CTNNA3: variants seen among roughly 807,000 people sequenced by gnomAD.
CTNNA3 encodes catenin alpha-3.
CTNNA3 carries 76 observed loss-of-function variants against 95.7 expected under a neutral mutation model. The observed-to-expected ratio is 0.79, with a 90% CI of 0.66 to 0.96. The LOEUF (loss-of-function observed/expected upper bound fraction) is 0.96. Ranked by LOEUF, CTNNA3 falls within the 40% of genes least tolerant of loss-of-function variation. CTNNA3 has a pLI of 0.00. For missense variants in CTNNA3, 1,191 were observed against 1,089.8 expected (o/e 1.09, Z -1.31); for synonymous variants, 431 against 374.4 (o/e 1.15, Z -1.74).
At chr10:66,232,879 C>A (rs940950549) in intron 13 of CTNNA3, among the ~76,000 whole-genome samples, 1 of 151,980 alleles carries the variant, frequency 6.6e-6, no homozygotes, top group Non-Finnish European at 1.5e-5. Context: ...AATTTCAGGC[C>A]AGGCGCGGTG....
intron 12 of CTNNA3, among the ~76,000 whole-genome samples, chr10:66,303,123 C>T (rs538362395): frequency 6.6e-6 from 1 of 152,134 alleles, no homozygotes; most frequent in East Asian, 1.9e-4. Flanking sequence ...ATGTTACAAG[C>T]CTTATTTTAA....
At chr10:67,313,494 T>C (rs1330060722) in intron 5 of CTNNA3, among the ~76,000 whole-genome samples, 1 of 151,962 alleles carries the variant, frequency 6.6e-6, no homozygotes, top group Non-Finnish European at 1.5e-5. Context: ...GTTGGGCAAA[T>C]CACTGAAGTA....
intron 7 of CTNNA3, among the ~76,000 whole-genome samples, chr10:66,920,573 T>A (rs962049398): frequency 6.6e-6 from 1 of 152,186 alleles, no homozygotes; most frequent in Non-Finnish European, 1.5e-5. Context: ...TTCATAACTT[T>A]CTGTTCAAAA....
At chr10:66,488,070 C>CTG (rs1458184425) in intron 11 of CTNNA3, among the ~76,000 whole-genome samples, 1 of 152,104 alleles carries the variant, frequency 6.6e-6, no homozygotes, top group Non-Finnish European at 1.5e-5. Flanking sequence ...TAAAAAGTTT[C>CTG]CCTTCGAATT....
intron 15 of CTNNA3, among the ~76,000 whole-genome samples, chr10:66,010,519 T>G (rs1437559330): frequency 6.6e-6 from 1 of 152,136 alleles, no homozygotes; most frequent in Admixed American, 6.5e-5. Flanking sequence ...GCAGCTTATT[T>G]TCAAACATAG....
intron 10 of CTNNA3, among the ~76,000 whole-genome samples, chr10:66,537,822 A>G (rs1397329999): frequency 6.6e-6 from 1 of 151,844 alleles, no homozygotes; most frequent in Admixed American, 6.6e-5. Flanking sequence ...CTTCTCTGTG[A>G]AGTTACTAAA....
At chr10:67,763,474 G>A (rs1841473287) in exon 1 of CTNNA3, among the ~76,000 whole-genome samples, 1 of 152,210 alleles carries the variant, frequency 6.6e-6, no homozygotes, top group African/African-American at 2.4e-5. Context: ...TCCAAAGGTC[G>A]AGTTGCCTTC....
intron 12 of CTNNA3, among the ~76,000 whole-genome samples, chr10:66,348,859 A>T (rs1485304683): frequency 6.6e-6 from 1 of 151,990 alleles, no homozygotes; most frequent in Non-Finnish European, 1.5e-5. Flanking sequence ...AAATAACAAA[A>T]TTTCCTGGTG....
intron 9 of CTNNA3, among the ~76,000 whole-genome samples, chr10:66,682,466 C>T (rs1214163594): frequency 6.6e-6 from 1 of 151,868 alleles, no homozygotes; most frequent in Non-Finnish European, 1.5e-5. Context: ...GATGGAAGGA[C>T]CACTGAGAAA....
intron 7 of CTNNA3, among the ~76,000 whole-genome samples, chr10:66,845,754 T>TACACACACACAC (rs140313786): frequency 0.16 from 17,438 of 106,424 alleles, 1,860 homozygotes; most frequent in Non-Finnish European, 0.24. Context: ...TATATATACA[T>TACACACACACAC]ACACACACAC....
chr10:67,475,978 T>C (rs1350885668), intron 5 of CTNNA3, among the ~76,000 whole-genome samples: 1 of 152,166 alleles, frequency 6.6e-6, no homozygotes, highest in Non-Finnish European at 1.5e-5. Context: ...ATATAGAAGA[T>C]AGCTGCAGTG....
chr10:65,950,916 T>C lies in CTNNA3; in HGVS notation c.2400+15696A>G, dbSNP rs527493217. On this transcript the variant is annotated intron_variant, in intron 17 of 17. Transcript: ENST00000433211. ...GTGTGTGTGTGCTTCATCCAGATTTTTTTTTCTATCTCTGTAATTGCACAA... is the reference window on the plus strand; with the variant it reads ...GTGTGTGTGTGCTTCATCCAGATTTCTTTTTCTATCTCTGTAATTGCACAA... Among the ~76,000 whole-genome samples, 35 of 152,276 alleles carry C rather than the reference T, an allele frequency of 2.3e-4. 1 individual carries two copies. In the South Asian group the frequency reaches 3.3e-3, roughly 14 times the overall value.
chr10:66,864,377 C>T (rs192762505), intron 7 of CTNNA3, among the ~76,000 whole-genome samples: 2 of 152,194 alleles, frequency 1.3e-5, no homozygotes, highest in Admixed American at 6.6e-5. Flanking sequence ...TACTCTCCTC[C>T]CCTTCCACCT....
intron 1 of CTNNA3, among the ~76,000 whole-genome samples, chr10:67,711,206 C>G (rs1432486153): frequency 6.6e-6 from 1 of 151,970 alleles, no homozygotes; most frequent in Non-Finnish European, 1.5e-5. Flanking sequence ...TGAAAGTGGA[C>G]TAATAAAGTA....
intron 12 of CTNNA3, among the ~76,000 whole-genome samples, chr10:66,333,990 T>C (rs2092363978): frequency 6.6e-6 from 1 of 152,136 alleles, no homozygotes; most frequent in Non-Finnish European, 1.5e-5. Flanking sequence ...GTAATGGCCG[T>C]CTTTATCTCT....
chr10:66,794,587 T>C (rs2132214679), intron 7 of CTNNA3, among the ~76,000 whole-genome samples: 1 of 152,284 alleles, frequency 6.6e-6, no homozygotes, highest in Non-Finnish European at 1.5e-5. Context: ...GCCTCAATGT[T>C]GATGGCTGCT....
chr10:66,527,559 G>T (rs1841312056), intron 10 of CTNNA3, among the ~76,000 whole-genome samples: 1 of 151,964 alleles, frequency 6.6e-6, no homozygotes, highest in Non-Finnish European at 1.5e-5. Flanking sequence ...TGTCTTTTCT[G>T]TTTTTTATGT....
At position 66,514,959 on chromosome 10, in the gene CTNNA3, A is replaced by G. The variant is rs1011759670; in HGVS notation, c.1531+5658T>C. ...TTGAAAAACTTTCAGTTTTAAATAT[A>G]TAACTGCAATGGATAAACAGAAGAC... On this transcript the variant is annotated intron_variant, in intron 11 of 17. Transcript: ENST00000433211. Among the ~76,000 whole-genome samples the G allele has an allele frequency of 3.9e-5, 6 of 152,098 alleles. No homozygotes were observed. The East Asian group carries it at 9.6e-4, about 24-fold the overall frequency.
intron 13 of CTNNA3, among the ~76,000 whole-genome samples, chr10:66,105,629 G>A (rs757834338): frequency 2.0e-5 from 3 of 152,190 alleles, no homozygotes; most frequent in Non-Finnish European, 4.4e-5. Flanking sequence ...GATGCTGTAC[G>A]AAGAGATAAG....
Sources: gnomAD v4.1 joint callset for allele counts (sites outside exome capture counted in the v4.1 genomes callset) on GRCh38, gnomAD v4.1.1 for gene constraint, MANE v1.5 for transcripts, NCBI Gene and HGNC (gene_info 2026-07-23, HGNC 2026-07-21) for gene names.